Variants in PRIM2 observed in about 807,000 individuals in gnomAD.
The protein encoded by PRIM2 is DNA primase subunit 2, also known as DNA primase large subunit.
A neutral mutation model predicts 67.3 loss-of-function variants in PRIM2; 39 were observed. The observed-to-expected ratio is 0.58, with a 90% CI of 0.45 to 0.76. The LOEUF (loss-of-function observed/expected upper bound fraction) is 0.76. Ranked by LOEUF, PRIM2 falls within the 30% of genes least tolerant of loss-of-function variation. The probability of loss-of-function intolerance (pLI) is 0.00; values close to 1 mark genes in which losing one functional copy is unlikely to be tolerated. For missense variants in PRIM2, 398 were observed against 598.7 expected (o/e 0.66, Z 3.50); for synonymous variants, 143 against 198.7 (o/e 0.72, Z 2.36).
intron 10 of PRIM2, among the ~76,000 whole-genome samples, chr6:57,541,674 T>C (rs1281586677): frequency 1.1e-4 from 16 of 152,088 alleles, no homozygotes; most frequent in Non-Finnish European, 2.4e-4. Context: ...TGCCAACAGC[T>C]TTGAGACCCA....
At chr6:57,566,230 C>T (rs1487924206) in intron 10 of PRIM2, among the ~76,000 whole-genome samples, 6 of 149,220 alleles carry the variant, frequency 4.0e-5, no homozygotes, top group African/African-American at 9.9e-5. Flanking sequence ...TAGATTCAGG[C>T]GCAACCTTTT....
intron 7 of PRIM2, among the ~76,000 whole-genome samples, chr6:57,387,859 C>T (rs1162808650): frequency 2.0e-5 from 3 of 151,306 alleles, no homozygotes; most frequent in Non-Finnish European, 4.4e-5. Context: ...GATTTCTTCT[C>T]TTACAAAGCT....
At chr6:57,376,552 A>G (rs1769771376) in intron 5 of PRIM2, among the ~76,000 whole-genome samples, 1 of 152,020 alleles carries the variant, frequency 6.6e-6, no homozygotes, top group Non-Finnish European at 1.5e-5. Flanking sequence ...GTTCATGTAC[A>G]TTTTAGAACC....
At chr6:57,586,003 C>T (rs1291000090) in intron 10 of PRIM2, among the ~76,000 whole-genome samples, 3 of 152,232 alleles carry the variant, frequency 2.0e-5, no homozygotes, top group African/African-American at 4.8e-5. Context: ...ACCTGAGTAA[C>T]CAAGATCACC....
intron 7 of PRIM2, among the ~76,000 whole-genome samples, chr6:57,395,340 C>T (rs1770485993): frequency 6.6e-6 from 1 of 152,088 alleles, no homozygotes; most frequent in African/African-American, 2.4e-5. Context: ...AATCTTGCTC[C>T]TTGTTATTGG....
chr6:57,433,258 CTTTAAG>C (rs1581899487), intron 7 of PRIM2, among the ~76,000 whole-genome samples: 2 of 151,844 alleles, frequency 1.3e-5, no homozygotes, highest in East Asian at 1.9e-4. Context: ...TATTATTATA[CTTTAAG>C]TTTTAGGGTA....
intron 5 of PRIM2, among the ~76,000 whole-genome samples, chr6:57,357,720 T>C (rs1769076766): frequency 6.6e-6 from 1 of 151,960 alleles, no homozygotes; most frequent in Non-Finnish European, 1.5e-5. Context: ...CTCAGCCTCC[T>C]GAGTAGCTAG....
the PRIM2 span, among the ~76,000 whole-genome samples, chr6:57,271,298 A>G: frequency 2.6e-5 from 4 of 152,138 alleles, no homozygotes; most frequent in Non-Finnish European, 5.9e-5. Context: ...TATTGCCTCA[A>G]TTTCAGAGCC....
intron 7 of PRIM2, among the ~76,000 whole-genome samples, chr6:57,484,884 T>C (rs1380036327): frequency 6.6e-6 from 1 of 152,140 alleles, no homozygotes; most frequent in Non-Finnish European, 1.5e-5. Context: ...AGCAGTTAAT[T>C]ATATCTGACA....
At chr6:57,337,577 C>A (rs1396395084) in intron 5 of PRIM2, among the ~76,000 whole-genome samples, 2 of 152,040 alleles carry the variant, frequency 1.3e-5, no homozygotes, top group Non-Finnish European at 2.9e-5. Context: ...CACTCAACTA[C>A]ATGGAAACTG....
intron 7 of PRIM2, among the ~76,000 whole-genome samples, chr6:57,473,103 G>A (rs1277735869): frequency 6.6e-6 from 1 of 152,282 alleles, no homozygotes; most frequent in African/African-American, 2.4e-5. Flanking sequence ...TCCCTTTGAA[G>A]AAGAATTGCT....
At chr6:57,262,530 A>C in the PRIM2 span, among the ~76,000 whole-genome samples, 1 of 152,072 alleles carries the variant, frequency 6.6e-6, no homozygotes, top group Non-Finnish European at 1.5e-5. Flanking sequence ...TTCTGCTTGC[A>C]GGGCCACTTG....
intron 5 of PRIM2, among the ~76,000 whole-genome samples, chr6:57,339,923 T>A (rs1768410058): frequency 6.6e-6 from 1 of 150,764 alleles, no homozygotes; most frequent in African/African-American, 2.4e-5. Flanking sequence ...ACAGGCAACC[T>A]ACAAAATGGG....
chr6:57,560,243 C>T (rs1775601532), intron 10 of PRIM2, among the ~76,000 whole-genome samples: 2 of 151,678 alleles, frequency 1.3e-5, no homozygotes, highest in African/African-American at 2.4e-5. Flanking sequence ...CTTCTTTGCT[C>T]ATCCATGAGA....
At chr6:57,319,992 G>C (rs1195183633) in intron 2 of PRIM2, among the ~76,000 whole-genome samples, 1 of 152,176 alleles carries the variant, frequency 6.6e-6, no homozygotes, top group Non-Finnish European at 1.5e-5. Flanking sequence ...GGTTCATTTG[G>C]CTGTTTGGAT....
intron 5 of PRIM2, among the ~76,000 whole-genome samples, chr6:57,350,323 C>T (rs72870461): frequency 6.6e-6 from 1 of 152,032 alleles, no homozygotes; most frequent in African/African-American, 2.4e-5. Flanking sequence ...TTTAAAATAG[C>T]CAGTCTTGAG....
At chr6:57,537,192 A>C (rs1253599130) in intron 9 of PRIM2, among the ~76,000 whole-genome samples, 1 of 152,184 alleles carries the variant, frequency 6.6e-6, no homozygotes, top group Non-Finnish European at 1.5e-5. Flanking sequence ...AGGTAAAATA[A>C]ATTTTAATAG....
At chr6:57,617,490 G>T (rs1776775933) in intron 12 of PRIM2, among the ~76,000 whole-genome samples, 1 of 152,114 alleles carries the variant, frequency 6.6e-6, no homozygotes, top group South Asian at 2.1e-4. Context: ...GTTTTGATTT[G>T]CATTTTTCTA....
chr6:57,418,099 A>C (rs1256880343), intron 7 of PRIM2, among the ~76,000 whole-genome samples: 1 of 152,196 alleles, frequency 6.6e-6, no homozygotes, highest in Non-Finnish European at 1.5e-5. Flanking sequence ...TGCTTTAAAA[A>C]ATGCCTCAAC....
Sources: allele counts gnomAD v4.1 joint callset (sites outside exome capture counted in the v4.1 genomes callset), GRCh38; gene constraint gnomAD v4.1.1; transcripts MANE v1.5; gene names NCBI Gene and HGNC (gene_info 2026-07-23, HGNC 2026-07-21).